PRCP: variants seen among roughly 807,000 people sequenced by gnomAD.
PRCP encodes the protein prolylcarboxypeptidase, also known as lysosomal Pro-X carboxypeptidase.
A neutral mutation model predicts 54.2 loss-of-function variants in PRCP; 46 were observed. That is an observed-to-expected ratio of 0.85 (90% CI 0.67 to 1.09). PRCP has a LOEUF of 1.09. PRCP is among the 50% of genes least tolerant of loss of function. The pLI, the probability that PRCP is intolerant of heterozygous loss-of-function variation, is 0.00. For synonymous variants in PRCP, 240 were observed against 212.2 expected, an observed-to-expected ratio of 1.13 and a Z score of -1.14; for missense variants, 613 against 596.8, an observed-to-expected ratio of 1.03 and a Z score of -0.28.
chr11:82,853,313 A>G, intron 2 of PRCP, 35 bp from the exon 3 acceptor site: 1 of 1,563,334 alleles, frequency 6.4e-7, no homozygotes, highest in Non-Finnish European at 8.7e-7. Flanking sequence ...GGATAAAATC[A>G]GAATGTGAAA....
At chr11:82,829,152 A>T (rs1459211434) in intron 8 of PRCP, 1 of 152,164 alleles carries the variant, frequency 6.6e-6, no homozygotes, top group Non-Finnish European at 1.5e-5. Context: ...CTACAATTTA[A>T]TATCAATAGA....
At chr11:82,899,040 C>T (rs1860187054) in intron 1 of PRCP, among the ~76,000 whole-genome samples, 1 of 152,130 alleles carries the variant, frequency 6.6e-6, no homozygotes, top group African/African-American at 2.4e-5. Flanking sequence ...TCTATGACAT[C>T]CCTCTACCAC....
At chr11:82,883,671 CA>C (rs1859802956) in intron 1 of PRCP, among the ~76,000 whole-genome samples, 3 of 152,178 alleles carry the variant, frequency 2.0e-5, no homozygotes, top group Non-Finnish European at 4.4e-5. Context: ...AAATTCACAA[CA>C]TCAATTAGTG....
chr11:82,848,982 G>C lies in PRCP; in HGVS notation c.921+67C>G, dbSNP rs1249744434. On this transcript the variant is annotated intron_variant, in intron 6 of 8. Transcript: ENST00000313010. ...ACTGGGACTTTCTCTGAGGCAGAAA[G>C]TCAGAGTATGCACATTAAAAAAAAA... 3.4e-6 allele frequency: 5 copies of C among 1,468,972 alleles called. No individual in the cohort carries two copies. The African/African-American group carries it at 7.1e-5, about 21-fold the overall frequency. The allele number at this position is 1,468,972 out of a possible 1,614,324, so 91.0% of individuals were successfully genotyped here.
chr11:82,855,617 C>T (rs954902817), intron 2 of PRCP, among the ~76,000 whole-genome samples: 5 of 151,548 alleles, frequency 3.3e-5, no homozygotes, highest in African/African-American at 1.2e-4. Flanking sequence ...AGACTCTGTT[C>T]AAAAAATAAT....
intron 6 of PRCP, among the ~76,000 whole-genome samples, chr11:82,841,253 C>T (rs1390573402): frequency 6.8e-6 from 1 of 147,284 alleles, no homozygotes; most frequent in Non-Finnish European, 1.5e-5. Context: ...TGCCTGGCAC[C>T]AGCTGCCAGC....
intron 1 of PRCP, among the ~76,000 whole-genome samples, chr11:82,865,521 G>T (rs1159659794): frequency 2.0e-5 from 3 of 152,158 alleles, no homozygotes; most frequent in Admixed American, 6.5e-5. Context: ...TTCGGTTTTA[G>T]AAAATTCAGT....
intron 1 of PRCP, among the ~76,000 whole-genome samples, chr11:82,893,988 T>C (rs1288654619): frequency 6.6e-6 from 1 of 152,216 alleles, no homozygotes; most frequent in East Asian, 1.9e-4. Flanking sequence ...TTACACTACA[T>C]ATGTAATTTT....
intron 1 of PRCP, among the ~76,000 whole-genome samples, chr11:82,875,485 T>G (rs1859581640): frequency 6.6e-6 from 1 of 152,158 alleles, no homozygotes; most frequent in African/African-American, 2.4e-5. Flanking sequence ...CAACTCAACC[T>G]TGAAAGGTAG....
chr11:82,871,924 G>A (rs924540351), intron 1 of PRCP, among the ~76,000 whole-genome samples: 3 of 152,148 alleles, frequency 2.0e-5, no homozygotes, highest in East Asian at 1.9e-4. Context: ...ATAAATAACC[G>A]ATGAGTGTGC....
At chr11:82,893,514 G>A (rs1056961071) in intron 1 of PRCP, among the ~76,000 whole-genome samples, 8 of 152,108 alleles carry the variant, frequency 5.3e-5, no homozygotes, top group Admixed American at 2.0e-4. Context: ...CTTGCTCGCC[G>A]AGTTTGATGG....
At chr11:82,834,173 T>G (rs962311269) in intron 8 of PRCP, among the ~76,000 whole-genome samples, 8 of 152,178 alleles carry the variant, frequency 5.3e-5, no homozygotes, top group African/African-American at 1.9e-4. Context: ...GCCAGCATCC[T>G]CATCTTGGGC....
chr11:82,894,525 A>G (rs542062776), intron 1 of PRCP, among the ~76,000 whole-genome samples: 1 of 152,318 alleles, frequency 6.6e-6, no homozygotes, highest in Non-Finnish European at 1.5e-5. Context: ...AGCAGATCCA[A>G]TCCATTTATC....
intron 2 of PRCP, 59 bp from the exon 3 acceptor site, chr11:82,853,337 C>A (rs879338493): frequency 4.9e-6 from 7 of 1,440,684 alleles, no homozygotes; most frequent in Non-Finnish European, 6.8e-6. Flanking sequence ...AGTCACTGAA[C>A]CTTTTGGCAA....
intron 6 of PRCP, chr11:82,843,201 CA>C (rs1362717292): frequency 6.6e-6 from 1 of 151,972 alleles, no homozygotes; most frequent in African/African-American, 2.4e-5. Flanking sequence ...CTCAGCTACT[CA>C]GGAAGCTGAG....
intron 1 of PRCP, among the ~76,000 whole-genome samples, chr11:82,871,927 G>T (rs142683846): frequency 6.6e-6 from 1 of 152,200 alleles, no homozygotes; most frequent in Non-Finnish European, 1.5e-5. Flanking sequence ...AATAACCGAT[G>T]AGTGTGCTTA....
intron 1 of PRCP, among the ~76,000 whole-genome samples, chr11:82,865,586 T>C (rs1414363367): frequency 1.3e-5 from 2 of 152,128 alleles, no homozygotes; most frequent in Non-Finnish European, 2.9e-5. Flanking sequence ...AACTAAAATT[T>C]TACTAAAGAT....
At chr11:82,850,740 C>A (rs1196451179) in intron 3 of PRCP, among the ~76,000 whole-genome samples, 1 of 152,134 alleles carries the variant, frequency 6.6e-6, no homozygotes, top group Non-Finnish European at 1.5e-5. Flanking sequence ...ATTGTAGAAA[C>A]AACAGAAACA....
chr11:82,825,104 G>A lies in PRCP; in HGVS notation c.1293C>T (p.Pro431=). ...NIVFSNGELD[P]WSGGGVTKDI... ...CCTTAGTTACTCCACCTCCTGACCA[G>A]GGGTCTAGTTCACCATTGCTGCAAG... Residue 431 remains proline (P), a synonymous_variant, in exon 9 of 9, where the codon CCC becomes CCT. Coordinates refer to ENST00000313010, the MANE Select transcript of PRCP (RefSeq NM_005040.4). 6.2e-7 allele frequency: 1 copy of A among 1,613,672 alleles called. No individual in the cohort carries two copies. The highest frequency in any genetic ancestry group is 8.5e-7 in the Non-Finnish European group (1 of 1,179,856).
Sources: gnomAD v4.1 joint callset for allele counts (sites outside exome capture counted in the v4.1 genomes callset) on GRCh38, gnomAD v4.1.1 for gene constraint, MANE v1.5 for transcripts, NCBI Gene and HGNC (gene_info 2026-07-23, HGNC 2026-07-21) for gene names.